Variants in USP42 observed in about 807,000 individuals in gnomAD.
USP42 encodes the protein ubiquitin specific peptidase 42.
In USP42, 23 loss-of-function variants were observed where a neutral mutation model predicts 113.0. The ratio of observed to expected loss-of-function variants is 0.20; its 90% CI spans 0.15 to 0.29. USP42 has a LOEUF of 0.29. Ranked by LOEUF, USP42 falls within the 10% of genes least tolerant of loss-of-function variation. USP42 has a pLI of 1.00. For synonymous variants in USP42, 933 were observed against 699.0 expected, an observed-to-expected ratio of 1.33 and a Z score of -5.28; for missense variants, 2,174 against 1,779.8, an observed-to-expected ratio of 1.22 and a Z score of -3.99.
chr7:6,147,828 T>C lies in USP42; in HGVS notation c.1322T>C (p.Val441Ala). ...SSPRPVISQR[V>A]VTNKQAAPGF... ...CCCCGCCCCGTCATCAGTCAGCGGG[T>C]TGTCACCAACAAACAGGCTGCGCCA... Residue 441 changes from valine (V) to alanine (A), a missense_variant, in exon 12 of 18, where the codon GTT (valine) becomes GCT (alanine). Transcript: ENST00000306177. 1 of 1,613,102 alleles carries C rather than the reference T, an allele frequency of 6.2e-7. No homozygotes were observed. The highest frequency in any genetic ancestry group is 8.5e-7 in the Non-Finnish European group (1 of 1,179,524).
chr7:6,127,428 C>A (rs988185828), intron 3 of USP42, among the ~76,000 whole-genome samples: 1 of 151,232 alleles, frequency 6.6e-6, no homozygotes, highest in African/African-American at 2.4e-5. Context: ...TAATGTGTTA[C>A]ATTTAAGTCT....
At chr7:6,104,835 G>C (rs1047613439), upstream of USP42, 7 of 149,358 alleles carry the variant, frequency 4.7e-5, no homozygotes, top group African/African-American at 1.7e-4. Context: ...ACGGCCCCTG[G>C]GCGGCGGCGC....
At chr7:6,109,841 C>T (rs1376060232) in intron 1 of USP42, among the ~76,000 whole-genome samples, 3 of 151,544 alleles carry the variant, frequency 2.0e-5, no homozygotes, top group Non-Finnish European at 4.4e-5. Context: ...GTTGAGATTA[C>T]AGGTACGTGC....
Position 6,159,482 on chromosome 7 carries a change from T to A in USP42, c.*25T>A, listed in dbSNP as rs2128529540. 1 of 1,613,914 alleles carries A rather than the reference T, an allele frequency of 6.2e-7. No individual in the cohort carries two copies. The highest frequency in any genetic ancestry group is 8.5e-7 in the Non-Finnish European group (1 of 1,179,806). ...AAAACTCAGCCTCAAAACAAAAAATTCACTAGTTATGGTAAGCTGTTTTCC... is the reference window on the plus strand; with the variant it reads ...AAAACTCAGCCTCAAAACAAAAAATACACTAGTTATGGTAAGCTGTTTTCC... On this transcript the variant is annotated 3_prime_UTR_variant, in exon 17 of 18. Coordinates refer to ENST00000306177, the MANE Select transcript of USP42 (RefSeq NM_032172.3). This position sits in a 1 kb window ranked among gnomAD's most constrained non-coding sequence, Gnocchi z 4.1.
At chr7:6,138,278 C>G (rs1183925423) in intron 4 of USP42, among the ~76,000 whole-genome samples, 1 of 152,074 alleles carries the variant, frequency 6.6e-6, no homozygotes, top group African/African-American at 2.4e-5. Context: ...ATAATTTGGT[C>G]TTTTAGCTGT....
rs1562805030 is a variant in USP42 at position 6,114,654 on chromosome 7, G to GTATA, written c.242-668_242-667insATAT. The stretch of plus-strand genomic sequence containing the variant: ...TGTGTGTGTATATATGTATGTGTGT[G>GTATA]TGTATATATATATATATATATATAT... On this transcript the variant is annotated intron_variant, in intron 2 of 17. Coordinates refer to ENST00000306177, the MANE Select transcript of USP42 (RefSeq NM_032172.3). 1.2e-3 allele frequency among the ~76,000 whole-genome samples: 86 copies of GTATA among 69,294 alleles called. 2 individuals are homozygous for GTATA. Among genetic ancestry groups the GTATA allele is most frequent in the African/African-American group, 5.4e-3 (64 of 11,954 alleles). 45.5% of individuals were successfully genotyped at this position (69,294 alleles called of 152,430 possible).
intron 3 of USP42, among the ~76,000 whole-genome samples, chr7:6,133,479 C>T (rs537405869): frequency 2.0e-5 from 3 of 152,204 alleles, no homozygotes; most frequent in Non-Finnish European, 4.4e-5. Context: ...GGTGTCTAAT[C>T]TGTTATTAAT....
At chr7:6,146,274 G>C (rs570305082) in intron 11 of USP42, 26 bp downstream of exon 11, 14 of 1,389,280 alleles carry the variant, frequency 1.0e-5, no homozygotes, top group Non-Finnish European at 1.4e-5. Flanking sequence ...CAAATTGCCA[G>C]ATTTTCTGGT....
In USP42 at chr7:6,156,780, C is replaced by A; in HGVS notation, c.3668C>A (p.Ala1223Glu). 6.4e-7 allele frequency: 1 copy of A among 1,573,552 alleles called. No homozygotes were observed. Among genetic ancestry groups the A allele is most frequent in the Non-Finnish European group, 8.6e-7 (1 of 1,164,548 alleles). Residue 1223 changes from alanine (A) to glutamate (E), a missense_variant, in exon 16 of 18, where the codon GCA becomes GAA. By Grantham distance (107) the Ala-to-Glu change is moderately radical. Transcript: ENST00000306177. ...SRHQQDSDLS[A>E]ACSDADLHRH... ...CATCAGCAGGACTCAGACCTCTCAG[C>A]AGCGTGCTCTGACGCTGACCTCCAC...
chr7:6,085,728 C>A, the USP42 span, among the ~76,000 whole-genome samples: 1 of 150,288 alleles, frequency 6.7e-6, no homozygotes, highest in African/African-American at 2.5e-5. Flanking sequence ...GATTCTCCTG[C>A]CTCAGCTTCC....
chr7:6,133,785 A>G (rs980791942), intron 3 of USP42, among the ~76,000 whole-genome samples: 1 of 151,886 alleles, frequency 6.6e-6, no homozygotes, highest in African/African-American at 2.4e-5. Context: ...CTCCCGAAGC[A>G]CTGGGATGAC....
intron 3 of USP42, among the ~76,000 whole-genome samples, chr7:6,120,136 T>A (rs1474195309): frequency 6.6e-6 from 1 of 152,214 alleles, no homozygotes; most frequent in East Asian, 1.9e-4. Flanking sequence ...GCTAATTTTT[T>A]TGTATTTTTA....
rs570288821 is a variant in USP42 at position 6,157,080 on chromosome 7, G to A, written c.3943+25G>A. ...GGTAAGAGGAGATACTTGGAATTAG[G>A]AAGATAGAAACTATTTCTTAATACA... On this transcript the variant is annotated intron_variant, in intron 16 of 17. Coordinates refer to ENST00000306177, the MANE Select transcript of USP42 (RefSeq NM_032172.3). This position sits in a 1 kb window ranked among gnomAD's most constrained non-coding sequence, Gnocchi z 4.1. The A allele has an allele frequency of 6.5e-6, 10 of 1,547,506 alleles. No homozygotes were observed. Among genetic ancestry groups the A allele is most frequent in the Admixed American group, 4.4e-5 (2 of 45,698 alleles).
intron 3 of USP42, among the ~76,000 whole-genome samples, chr7:6,119,414 T>G: frequency 6.6e-6 from 1 of 152,116 alleles, no homozygotes. Flanking sequence ...GTGACTGCAG[T>G]GAGCCATTAT....
rs375026446 is a variant in USP42 at position 6,115,384 on chromosome 7, T to G, written c.303T>G (p.Leu101=). ...TTTTCCCATCTGAGAAGATTTGTCT[T>G]AAGTGGCAACAAACTCATAGAGTTG... The part of the protein sequence containing the change: ...KVLFPSEKIC[L]KWQQTHRVGA... Residue 101 remains leucine, a synonymous_variant, in exon 3 of 18, where the codon CTT becomes CTG. Transcript: ENST00000306177. 11 of 1,613,960 alleles carry G rather than the reference T, an allele frequency of 6.8e-6. No homozygotes were observed. The highest frequency in any genetic ancestry group is 1.3e-5 in the African/African-American group (1 of 74,956).
At chr7:6,091,195 C>G in the USP42 span, among the ~76,000 whole-genome samples, 1 of 150,904 alleles carries the variant, frequency 6.6e-6, no homozygotes. Context: ...GATTAACTAA[C>G]TTTACACACT....
chr7:6,133,621 C>T (rs186674213), intron 3 of USP42, among the ~76,000 whole-genome samples: 302 of 151,398 alleles, frequency 2.0e-3, no homozygotes, highest in African/African-American at 6.9e-3. Flanking sequence ...CTCAGGTGGT[C>T]CTCCCATCCC....
Position 6,154,509 on chromosome 7 carries a change from C to T in USP42, c.2955C>T (p.Pro985=). The change falls in exon 15 of 18, where the codon CCC becomes CCT. Residue 985 remains proline, a synonymous_variant. Transcript: ENST00000306177. ...GTCACCGGCGGCGCCGCACCTGCCC[C>T]CGGGAGCGCGACCGCCAGGACCGCC... The part of the protein sequence containing the change: ...GHRHRRRRTC[P]RERDRQDRHA... The T allele has an allele frequency of 1.3e-6, 2 of 1,542,080 alleles. No homozygotes were observed. Among genetic ancestry groups the T allele is most frequent in the Non-Finnish European group, 1.7e-6 (2 of 1,143,984 alleles).
At chr7:6,141,562 T>C (rs1015180784) in intron 7 of USP42, among the ~76,000 whole-genome samples, 4 of 149,144 alleles carry the variant, frequency 2.7e-5, no homozygotes, top group South Asian at 2.1e-4. Context: ...TTGGTTATTA[T>C]TATTTTTTTT....
Sources: gnomAD v4.1 joint callset for allele counts (sites outside exome capture counted in the v4.1 genomes callset) on GRCh38, gnomAD v4.1.1 for gene constraint, Gnocchi (gnomAD v3.1) non-coding constraint, MANE v1.5 for transcripts, NCBI Gene and HGNC (gene_info 2026-07-23, HGNC 2026-07-21) for gene names.